CTNNA2: variants seen among roughly 807,000 people sequenced by gnomAD.
CTNNA2 encodes catenin alpha-2.
Under a neutral mutation model 101.0 loss-of-function variants are expected in CTNNA2, and 42 were observed. The ratio of observed to expected loss-of-function variants is 0.42; its 90% confidence interval spans 0.32 to 0.54. The LOEUF (loss-of-function observed/expected upper bound fraction) is 0.54, where lower values mean the gene tolerates loss of function less well. Among genes scored for constraint, CTNNA2 ranks in the 20% least tolerant of loss-of-function variants. The probability of loss-of-function intolerance (pLI) is 0.14; values close to 1 mark genes in which losing one functional copy is unlikely to be tolerated. For missense variants in CTNNA2, 871 were observed against 1,223.1 expected (o/e 0.71, Z 4.29); for synonymous variants, 450 against 456.4 (o/e 0.99, Z 0.18).
chr2:79,418,821 T>C (rs2104499839), intron 4 of CTNNA2, among the ~76,000 whole-genome samples: 1 of 152,266 alleles, frequency 6.6e-6, no homozygotes, highest in Non-Finnish European at 1.5e-5. Flanking sequence ...TAAATCTAAA[T>C]GCTCCCTAGA....
chr2:79,199,655 A>G (rs1053605163), intron 2 of CTNNA2, among the ~76,000 whole-genome samples: 1 of 152,172 alleles, frequency 6.6e-6, no homozygotes, highest in Non-Finnish European at 1.5e-5. Flanking sequence ...CTTCTCTAAC[A>G]AAATACCATA....
chr2:80,312,335 G>A (rs1249347023), intron 7 of CTNNA2, among the ~76,000 whole-genome samples: 1 of 152,124 alleles, frequency 6.6e-6, no homozygotes, highest in Admixed American at 6.6e-5. Flanking sequence ...AGAGGGCGGG[G>A]GTATGAGCCA....
chr2:80,331,196 C>T (rs1373580142), intron 7 of CTNNA2, among the ~76,000 whole-genome samples: 1 of 152,096 alleles, frequency 6.6e-6, no homozygotes, highest in East Asian at 1.9e-4. Flanking sequence ...GGCAGAGCAG[C>T]CACGACTGTG....
chr2:80,538,077 G>GA (rs1691203719), intron 9 of CTNNA2, among the ~76,000 whole-genome samples: 1 of 145,312 alleles, frequency 6.9e-6, no homozygotes, highest in South Asian at 2.1e-4. Context: ...TGATAGGGTT[G>GA]TTTTTTTCTT....
chr2:79,270,423 A>G (rs570133604), intron 2 of CTNNA2, among the ~76,000 whole-genome samples: 19 of 152,070 alleles, frequency 1.2e-4, no homozygotes, highest in Non-Finnish European at 2.4e-4. Context: ...GCCAGTCCCA[A>G]GGCCTCTTAT....
chr2:79,414,630 C>A (rs1678457300), intron 4 of CTNNA2, among the ~76,000 whole-genome samples: 1 of 151,994 alleles, frequency 6.6e-6, no homozygotes, highest in South Asian at 2.1e-4. Context: ...ACGTTTTTGC[C>A]AATTAAATAT....
intron 18 of CTNNA2, among the ~76,000 whole-genome samples, chr2:80,631,685 C>A (rs1672311132): frequency 6.6e-6 from 1 of 152,088 alleles, no homozygotes; most frequent in Non-Finnish European, 1.5e-5. Flanking sequence ...ATTAGGAGAA[C>A]CACCTTAAAT....
chr2:79,918,934 T>C (rs1447979448), intron 7 of CTNNA2, among the ~76,000 whole-genome samples: 1 of 152,170 alleles, frequency 6.6e-6, no homozygotes, highest in Non-Finnish European at 1.5e-5. Context: ...TTATAAAATA[T>C]TTCAAAGAAA....
chr2:79,424,667 T>C (rs1365969309), intron 4 of CTNNA2, among the ~76,000 whole-genome samples: 5 of 152,108 alleles, frequency 3.3e-5, no homozygotes, highest in African/African-American at 4.8e-5. Flanking sequence ...AAGGGGTCAT[T>C]AGATCAAACT....
At chr2:79,857,943 A>G (rs764890139) in intron 3 of CTNNA2, 70 bp from the exon 4 acceptor site, 109 of 1,482,832 alleles carry the variant, frequency 7.4e-5, no homozygotes, top group Non-Finnish European at 9.5e-5. Flanking sequence ...TTGTCCATTC[A>G]CAGATCTTTA....
At chr2:80,435,506 C>G (rs1285308498) in intron 9 of CTNNA2, among the ~76,000 whole-genome samples, 1 of 152,058 alleles carries the variant, frequency 6.6e-6, no homozygotes, top group Admixed American at 6.5e-5. Context: ...GGACATTTTA[C>G]TGTTGTTCAA....
intron 2 of CTNNA2, among the ~76,000 whole-genome samples, chr2:79,254,454 C>G (rs1484709414): frequency 8.1e-6 from 1 of 123,372 alleles, no homozygotes; most frequent in Non-Finnish European, 1.8e-5. Context: ...TGTAGCACCT[C>G]CCTCTACACT....
intron 7 of CTNNA2, among the ~76,000 whole-genome samples, chr2:79,915,851 A>G (rs1266715837): frequency 6.6e-6 from 1 of 152,216 alleles, no homozygotes; most frequent in African/African-American, 2.4e-5. Flanking sequence ...GCCCAGAACA[A>G]CTAGTTGGCA....
intron 7 of CTNNA2, among the ~76,000 whole-genome samples, chr2:80,308,633 G>T (rs1028828690): frequency 3.3e-5 from 5 of 152,176 alleles, no homozygotes; most frequent in African/African-American, 1.2e-4. Flanking sequence ...ATTAGAAATT[G>T]AGGTCATTCT....
intron 3 of CTNNA2, among the ~76,000 whole-genome samples, chr2:79,845,380 A>G (rs1036964160): frequency 5.9e-5 from 9 of 152,190 alleles, no homozygotes; most frequent in South Asian, 2.1e-4. Context: ...TATTGAATAA[A>G]TAAAAGGATG....
intron 7 of CTNNA2, among the ~76,000 whole-genome samples, chr2:80,149,246 G>A (rs60769318): frequency 0.03 from 4,607 of 151,928 alleles, 74 homozygotes; most frequent in East Asian, 0.047. Flanking sequence ...ACTTTGTTGC[G>A]CAGGCTGGTC....
intron 7 of CTNNA2, among the ~76,000 whole-genome samples, chr2:80,188,361 T>C (rs577366935): frequency 2.6e-4 from 39 of 152,358 alleles, no homozygotes; most frequent in Admixed American, 2.0e-3. Context: ...TTTGTGACAG[T>C]GTTTTAAGAC....
At chr2:80,136,220 G>GC (rs2148902040) in intron 7 of CTNNA2, among the ~76,000 whole-genome samples, 1 of 152,238 alleles carries the variant, frequency 6.6e-6, no homozygotes, top group East Asian at 1.9e-4. Context: ...GCATAGGCCT[G>GC]CGGAGGAGGC....
intron 2 of CTNNA2, among the ~76,000 whole-genome samples, chr2:79,240,761 G>C (rs886505208): frequency 6.6e-6 from 1 of 152,174 alleles, no homozygotes; most frequent in Non-Finnish European, 1.5e-5. Flanking sequence ...GGGGCAATGA[G>C]GTTTCTGGGG....
Sources: gnomAD v4.1 joint callset for allele counts (sites outside exome capture counted in the v4.1 genomes callset) on GRCh38, gnomAD v4.1.1 for gene constraint, MANE v1.5 for transcripts, NCBI Gene and HGNC (gene_info 2026-07-23, HGNC 2026-07-21) for gene names.